Variants in DYM observed in about 807,000 individuals in gnomAD.
DYM encodes dymeclin.
A neutral mutation model predicts 93.1 loss-of-function variants in DYM; 78 were observed. The observed-to-expected ratio is 0.84, with a 90% CI of 0.70 to 1.01. DYM has a LOEUF of 1.01. DYM is among the 50% of genes least tolerant of loss of function. The pLI is 0.00. For missense variants in DYM, 789 were observed against 845.0 expected (o/e 0.93, Z 0.82); for synonymous variants, 321 against 319.7 (o/e 1.00, Z -0.04).
At chr18:49,206,095 C>T (rs2092486442) in intron 14 of DYM, 1 of 233,940 alleles carries the variant, frequency 4.3e-6, no homozygotes, top group Non-Finnish European at 8.1e-6. Context: ...GTCTCCCAGG[C>T]TCAAGCGATT....
At chr18:49,418,325 T>C (rs1326414737) in intron 2 of DYM, among the ~76,000 whole-genome samples, 1 of 152,170 alleles carries the variant, frequency 6.6e-6, no homozygotes, top group African/African-American at 2.4e-5. Context: ...GAAACATGTA[T>C]AAAATCAGTC....
rs2094568999 is a variant in DYM, at chr18:49,266,235, T to C, written c.1251+5943A>G. On this transcript the variant is annotated intron_variant, in intron 11 of 17. Coordinates refer to ENST00000675505, the MANE Select transcript of DYM (RefSeq NM_001353214.3). ...ACTGGTTCTCTCTACAGCTGCAACA[T>C]GGATTTAAAATAACTAAACAATGAT... 2.6e-5 allele frequency among the ~76,000 whole-genome samples: 4 copies of C among 152,226 alleles called. No homozygotes were observed. The South Asian group carries it at 8.3e-4, about 31-fold the overall frequency.
intron 15 of DYM, among the ~76,000 whole-genome samples, chr18:49,135,169 A>G (rs2083722348): frequency 6.6e-6 from 1 of 152,170 alleles, no homozygotes; most frequent in African/African-American, 2.4e-5. Context: ...ACAACATTTT[A>G]AAAAAGAGAA....
intron 3 of DYM, among the ~76,000 whole-genome samples, chr18:49,389,214 G>A (rs1043250355): frequency 1.3e-5 from 2 of 152,144 alleles, no homozygotes; most frequent in African/African-American, 4.8e-5. Context: ...GGCAATAAAT[G>A]TATATCTTGT....
At chr18:49,329,053 G>A (rs973691560) in intron 8 of DYM, among the ~76,000 whole-genome samples, 3 of 152,094 alleles carry the variant, frequency 2.0e-5, no homozygotes, top group Admixed American at 1.3e-4. Flanking sequence ...ATCAGTGATA[G>A]ACTGGATTAA....
At chr18:49,361,081 G>A (rs1460313757) in intron 6 of DYM, among the ~76,000 whole-genome samples, 1 of 152,196 alleles carries the variant, frequency 6.6e-6, no homozygotes. Context: ...CAAAGTGTCT[G>A]AAAAACTAAT....
At chr18:49,121,149 A>C (rs2146034436) in intron 15 of DYM, among the ~76,000 whole-genome samples, 1 of 152,362 alleles carries the variant, frequency 6.6e-6, no homozygotes, top group Middle Eastern at 3.4e-3. Context: ...TGTGATCTAC[A>C]AAATTTGTTT....
chr18:49,288,758 C>T (rs181829406), intron 8 of DYM, among the ~76,000 whole-genome samples: 62 of 150,960 alleles, frequency 4.1e-4, no homozygotes, highest in East Asian at 2.9e-3. Context: ...CCAGCCTGGG[C>T]GACAGAGTAA....
intron 13 of DYM, among the ~76,000 whole-genome samples, chr18:49,251,279 C>T (rs2094281710): frequency 6.6e-6 from 1 of 152,134 alleles, no homozygotes; most frequent in East Asian, 1.9e-4. Flanking sequence ...AGACTACTGG[C>T]ATAGTGTGGG....
chr18:49,325,177 A>G (rs1458892238), intron 8 of DYM, among the ~76,000 whole-genome samples: 1 of 152,206 alleles, frequency 6.6e-6, no homozygotes, highest in Non-Finnish European at 1.5e-5. Context: ...TTTTGCAAAG[A>G]TTCCTGTGGG....
chr18:49,185,912 A>C (rs953088881), intron 14 of DYM, among the ~76,000 whole-genome samples: 10 of 152,124 alleles, frequency 6.6e-5, no homozygotes, highest in Non-Finnish European at 1.5e-4. Flanking sequence ...AACCTCAGCA[A>C]CTGTTTCTGC....
intron 8 of DYM, among the ~76,000 whole-genome samples, chr18:49,323,656 AAGT>A (rs1224813352): frequency 2.6e-5 from 4 of 152,186 alleles, no homozygotes; most frequent in Non-Finnish European, 5.9e-5. Flanking sequence ...CTACACCAAG[AAGT>A]GAATCTCCTG....
chr18:49,251,439 C>T (rs1284195719), intron 13 of DYM, among the ~76,000 whole-genome samples: 1 of 152,090 alleles, frequency 6.6e-6, no homozygotes, highest in Non-Finnish European at 1.5e-5. Context: ...ACTGGCTTGG[C>T]AATTTAGGTG....
chr18:49,198,043 A>G (rs981880517), intron 14 of DYM, among the ~76,000 whole-genome samples: 2 of 152,180 alleles, frequency 1.3e-5, no homozygotes, highest in Non-Finnish European at 2.9e-5. Flanking sequence ...ATATAGACCA[A>G]TGGAACAGAA....
chr18:49,077,018 T>C (rs2077365690), intron 17 of DYM, among the ~76,000 whole-genome samples: 1 of 152,240 alleles, frequency 6.6e-6, no homozygotes, highest in Non-Finnish European at 1.5e-5. Flanking sequence ...GAGGACTTTT[T>C]TCCCTTTTGG....
intron 17 of DYM, among the ~76,000 whole-genome samples, chr18:49,045,739 G>C (rs1347809047): frequency 6.6e-6 from 1 of 152,146 alleles, no homozygotes; most frequent in Admixed American, 6.5e-5. Flanking sequence ...CGAAGGGGAG[G>C]TGAGCTCCCC....
intron 13 of DYM, among the ~76,000 whole-genome samples, chr18:49,242,566 G>A (rs1170326789): frequency 6.6e-6 from 1 of 152,188 alleles, no homozygotes; most frequent in Non-Finnish European, 1.5e-5. Flanking sequence ...TAGATGGGTT[G>A]TATTTTAATA....
At chr18:49,056,309 G>A (rs2075474188) in intron 17 of DYM, among the ~76,000 whole-genome samples, 1 of 152,176 alleles carries the variant, frequency 6.6e-6, no homozygotes, top group Admixed American at 6.6e-5. Context: ...GAGAATACTT[G>A]AAACTCTGTT....
At chr18:49,290,034 A>G (rs111939258) in intron 8 of DYM, among the ~76,000 whole-genome samples, 2,141 of 151,562 alleles carry the variant, frequency 0.014, 53 homozygotes, top group African/African-American at 0.049. Flanking sequence ...TTTCATTGAA[A>G]ATAAAATGCA....
Sources: allele counts gnomAD v4.1 joint callset (sites outside exome capture counted in the v4.1 genomes callset), GRCh38; gene constraint gnomAD v4.1.1; transcripts MANE v1.5; gene names NCBI Gene and HGNC (gene_info 2026-07-23, HGNC 2026-07-21).